SPEF2: variants seen among roughly 807,000 people sequenced by gnomAD.
SPEF2 encodes sperm flagella and cilia-associated protein 2.
A neutral mutation model predicts 224.6 loss-of-function variants in SPEF2; 187 were observed. The observed-to-expected ratio is 0.83, with a 90% CI of 0.74 to 0.94. SPEF2 has a LOEUF of 0.94. Ranked by LOEUF, SPEF2 falls within the 40% of genes least tolerant of loss-of-function variation. The probability of loss-of-function intolerance (pLI) is 0.00; values close to 1 mark genes in which losing one functional copy is unlikely to be tolerated. For synonymous variants in SPEF2, 715 were observed against 707.3 expected (o/e 1.01, Z -0.17); for missense variants, 2,170 against 2,135.6 (o/e 1.02, Z -0.32).
intron 19 of SPEF2, among the ~76,000 whole-genome samples, chr5:35,711,694 A>T (rs929850686): frequency 2.0e-5 from 3 of 146,648 alleles, no homozygotes; most frequent in African/African-American, 7.6e-5. Context: ...TTAAATATCC[A>T]TTTAGAGAGA....
intron 3 of SPEF2, chr5:35,643,610 A>G (rs564157017): frequency 1.1e-5 from 5 of 453,660 alleles, no homozygotes; most frequent in South Asian, 7.8e-5. Flanking sequence ...AAAGAGGAAT[A>G]TGCAATCAAT....
chr5:35,695,741 A>T lies in SPEF2; in HGVS notation c.1982A>T (p.Asn661Ile), dbSNP rs1356816938. The T allele has an allele frequency of 6.2e-7, 1 of 1,609,958 alleles. No individual in the cohort carries two copies. The highest frequency in any genetic ancestry group is 1.3e-5 in the African/African-American group (1 of 74,832). ...CCACTTTTCCTATTGCTAGGTGCTA[A>T]TGCTGATAAAACACCAAAAGCTGAA... ...ETEGETMLSA[N>I]ADKTPKAEEV... The change falls in exon 14 of 37, where the codon AAT (asparagine) becomes ATT (isoleucine). Residue 661 changes from asparagine to isoleucine, a missense_variant. By Grantham distance (149) the Asn-to-Ile change is moderately radical (BLOSUM62 -3). Transcript: ENST00000356031.
chr5:35,796,604 T>C (rs572127538), intron 33 of SPEF2, among the ~76,000 whole-genome samples: 2 of 43,970 alleles, frequency 4.5e-5, no homozygotes, highest in East Asian at 1.4e-3. Flanking sequence ...AGAGCGAGAC[T>C]GTCTCAAAAA....
At chr5:35,662,767 A>G (rs146550217) in intron 8 of SPEF2, among the ~76,000 whole-genome samples, 41 of 152,110 alleles carry the variant, frequency 2.7e-4, no homozygotes, top group Admixed American at 6.5e-4. Context: ...TGGGTTCTCT[A>G]TTCTGGTCCA....
intron 23 of SPEF2, among the ~76,000 whole-genome samples, chr5:35,749,808 C>G (rs1435503274): frequency 1.3e-5 from 2 of 152,030 alleles, no homozygotes; most frequent in African/African-American, 2.4e-5. Context: ...AATGCAATCC[C>G]CATCAAAATA....
chr5:35,788,063 A>T, intron 30 of SPEF2: 1 of 702,990 alleles, frequency 1.4e-6, no homozygotes. Context: ...GTCAGGGGGA[A>T]GTCAAGTGAA....
chr5:35,785,876 A>T (rs112160625), intron 30 of SPEF2, among the ~76,000 whole-genome samples: 17 of 152,104 alleles, frequency 1.1e-4, no homozygotes, highest in African/African-American at 2.9e-4. Context: ...TGCAATTTCA[A>T]AATCTGCGCA....
intron 30 of SPEF2, chr5:35,790,050 T>G (rs1561369639): frequency 1.4e-6 from 1 of 702,606 alleles, no homozygotes. Flanking sequence ...AAAATTGACC[T>G]GGGATTTTGT....
chr5:35,781,147 T>G (rs868359381), intron 30 of SPEF2, among the ~76,000 whole-genome samples: 2 of 151,858 alleles, frequency 1.3e-5, no homozygotes, highest in Admixed American at 6.6e-5. Flanking sequence ...CGGAGTTGTT[T>G]TTTTTTTAAT....
At chr5:35,632,582 A>G (rs1745288559) in intron 2 of SPEF2, among the ~76,000 whole-genome samples, 1 of 151,908 alleles carries the variant, frequency 6.6e-6, no homozygotes, top group African/African-American at 2.4e-5. Context: ...TTCTGTTCTT[A>G]TTGTCATTTC....
chr5:35,703,749 G>A (rs1739176233), intron 16 of SPEF2, among the ~76,000 whole-genome samples: 1 of 152,130 alleles, frequency 6.6e-6, no homozygotes, highest in African/African-American at 2.4e-5. Context: ...TGTGATCCTT[G>A]GGTTTTATGA....
chr5:35,760,739 G>C (rs1369946246), intron 25 of SPEF2, among the ~76,000 whole-genome samples: 1 of 152,166 alleles, frequency 6.6e-6, no homozygotes, highest in South Asian at 2.1e-4. Context: ...GAGAAATTCT[G>C]AACAGATAGA....
At position 35,796,329 on chromosome 5, in the gene SPEF2, C is replaced by T. The variant is rs188363396; in HGVS notation, c.4830+534C>T. Reference sequence around the variant, plus strand: ...CAGACCTTAAAAATCTCAATGCGGCCGGGCGCGGTGGCTCACGCCTGTAAT... The same window carrying T: ...CAGACCTTAAAAATCTCAATGCGGCTGGGCGCGGTGGCTCACGCCTGTAAT... On this transcript the variant is annotated intron_variant, in intron 33 of 36. Transcript: ENST00000356031. Among the ~76,000 whole-genome samples the T allele has an allele frequency of 3.9e-3, 590 of 152,192 alleles. 7 individuals carry two copies. Among genetic ancestry groups the T allele is most frequent in the African/African-American group, 0.014 (580 of 41,522 alleles).
chr5:35,646,799 G>T lies in SPEF2; in HGVS notation c.718G>T (p.Glu240Ter). 1 of 1,613,664 alleles carries T rather than the reference G, an allele frequency of 6.2e-7. No homozygotes were observed. Among genetic ancestry groups the T allele is most frequent in the Non-Finnish European group, 8.5e-7 (1 of 1,179,794 alleles). Residue 240 changes from glutamate (E) to a stop codon, truncating the protein, a stop_gained, in exon 5 of 37, where the codon GAG becomes TAG. Coordinates refer to ENST00000356031, the MANE Select transcript of SPEF2 (RefSeq NM_024867.4). LOFTEE classifies it high-confidence loss of function. ...EAQKMMKKKKEAEDVADEIKK... is the reference protein window; with the variant it reads ...EAQKMMKKKK ...CCAAAAAATGATGAAAAAGAAAAAA[G>T]AGGCAGAAGTAAGTGATAATCCTTT...
rs767408260 is a variant in SPEF2, at chr5:35,697,697, C to T, written c.2045C>T (p.Thr682Ile). 1 of 1,612,754 alleles carries T rather than the reference C, an allele frequency of 6.2e-7. No individual in the cohort carries two copies. Among genetic ancestry groups the T allele is most frequent in the Non-Finnish European group, 8.5e-7 (1 of 1,179,316 alleles). The change falls in exon 15 of 37, where the codon ACA becomes ATA. Residue 682 changes from threonine to isoleucine, a missense_variant. Thr to Ile is a moderately conservative substitution (Grantham distance 89). Transcript: ENST00000356031. ...KSSDSFLKLT[T>I]RAQLGAKSEQ... ...TCTTGTTTATTTTCCCAGCTCACTACACGTGCTCAGCTTGGTGCAAAATCA... is the reference window on the plus strand; with the variant it reads ...TCTTGTTTATTTTCCCAGCTCACTATACGTGCTCAGCTTGGTGCAAAATCA...
chr5:35,724,547 G>A (rs1744306515), intron 20 of SPEF2, among the ~76,000 whole-genome samples: 2 of 152,128 alleles, frequency 1.3e-5, no homozygotes, highest in South Asian at 2.1e-4. Flanking sequence ...TACATCAATA[G>A]ACACTAAAAG....
intron 14 of SPEF2, among the ~76,000 whole-genome samples, chr5:35,696,441 A>G (rs946837051): frequency 6.6e-6 from 1 of 152,126 alleles, no homozygotes; most frequent in Non-Finnish European, 1.5e-5. Flanking sequence ...AAATGGGTTC[A>G]GAAAAAACAG....
chr5:35,739,660 C>T (rs754883007), intron 21 of SPEF2, among the ~76,000 whole-genome samples: 13 of 152,134 alleles, frequency 8.5e-5, no homozygotes, highest in South Asian at 8.3e-4. Flanking sequence ...GGATTACAGG[C>T]ATGAGCCACC....
In SPEF2 at chr5:35,806,744, C is replaced by T. The variant is rs1438879977; in HGVS notation, c.5048C>T (p.Pro1683Leu). 6.2e-6 allele frequency: 10 copies of T among 1,613,890 alleles called. No individual in the cohort carries two copies. In the Admixed American group the frequency reaches 1.7e-4, roughly 27 times the overall value. ...STDAGPAEEF[P>L]EPEENAAREE... Reference sequence around the variant, plus strand: ...GATGCAGGTCCAGCTGAGGAATTTCCTGAACCTGAGGAAAATGCTGCAAGA... The same window carrying T: ...GATGCAGGTCCAGCTGAGGAATTTCTTGAACCTGAGGAAAATGCTGCAAGA... The change falls in exon 35 of 37, where the codon CCT becomes CTT. Residue 1683 changes from proline (P) to leucine (L), a missense_variant. Coordinates refer to ENST00000356031, the MANE Select transcript of SPEF2 (RefSeq NM_024867.4).
Sources: gnomAD v4.1 joint callset for allele counts (sites outside exome capture counted in the v4.1 genomes callset) on GRCh38, gnomAD v4.1.1 for gene constraint, MANE v1.5 for transcripts, NCBI Gene and HGNC (gene_info 2026-07-23, HGNC 2026-07-21) for gene names.